Variants in PLEKHG4B observed in about 807,000 individuals in gnomAD.
PLEKHG4B encodes pleckstrin homology and RhoGEF domain containing G4B.
In PLEKHG4B, 111 loss-of-function variants were observed where a neutral mutation model predicts 121.3. The ratio of observed to expected loss-of-function variants is 0.92; its 90% CI spans 0.78 to 1.07. PLEKHG4B has a LOEUF of 1.07. Among genes scored for constraint, PLEKHG4B ranks in the 50% least tolerant of loss-of-function variants. The pLI, the probability that PLEKHG4B is intolerant of heterozygous loss-of-function variation, is 0.00. For synonymous variants in PLEKHG4B, 738 were observed against 725.0 expected (o/e 1.02, Z -0.29); for missense variants, 1,831 against 1,757.8 (o/e 1.04, Z -0.74).
rs1352846722 is a variant in PLEKHG4B, at chr5:183,213, T to C, written c.*890T>C. ...ATCATAAAAGCAAGACCTAAAATGA[T>C]CAAACCATTCCCAGATAATTCACTT... is the stretch of plus-strand genomic sequence containing the variant. On this transcript the variant is annotated 3_prime_UTR_variant, in exon 20 of 20. Transcript: ENST00000637938. 2 of 152,164 alleles carry C rather than the reference T, an allele frequency of 1.3e-5. No homozygotes were observed. Among genetic ancestry groups the C allele is most frequent in the Non-Finnish European group, 2.9e-5 (2 of 68,030 alleles). 9.4% of individuals were successfully genotyped at this position (152,164 alleles called of 1,614,324 possible).
chr5:132,987 T>C (rs1734822215), intron 2 of PLEKHG4B, among the ~76,000 whole-genome samples: 1 of 152,206 alleles, frequency 6.6e-6, no homozygotes, highest in South Asian at 2.1e-4. Flanking sequence ...TTTGGCAGTT[T>C]GGTCATTTCA....
chr5:167,230 G>C (rs958213786), intron 13 of PLEKHG4B, among the ~76,000 whole-genome samples: 5 of 152,218 alleles, frequency 3.3e-5, no homozygotes, highest in African/African-American at 1.2e-4. Context: ...GTGCTGTGAG[G>C]GCCAGTTCCT....
At chr5:141,710 CA>C (rs1224148396) in intron 3 of PLEKHG4B, among the ~76,000 whole-genome samples, 8 of 126,512 alleles carry the variant, frequency 6.3e-5, no homozygotes, top group South Asian at 2.3e-4. Context: ...TTAAATATTT[CA>C]TTTTTTTTTT....
chr5:162,887 T>C lies in PLEKHG4B; in HGVS notation c.2815T>C (p.Ser939Pro), dbSNP rs754041648. Residue 939 changes from serine to proline, a missense_variant, in exon 13 of 20, where the codon TCA (serine) becomes CCA (proline). Physicochemically the swap from Ser to Pro is moderately conservative, Grantham distance 74. Transcript: ENST00000637938. The part of the protein sequence containing the change: ...KPHALGKPWA[S>P]QQDLWLQYPQ... Reference sequence around the variant, plus strand: ...TCATGCCCTGGGGAAACCGTGGGCATCACAGCAAGACCTGTGGCTGCAGTA... The same window carrying C: ...TCATGCCCTGGGGAAACCGTGGGCACCACAGCAAGACCTGTGGCTGCAGTA... 32 of 1,522,000 alleles carry C rather than the reference T, an allele frequency of 2.1e-5. No homozygotes were observed. In the Admixed American group the frequency reaches 6.6e-4, roughly 31 times the overall value. The allele number at this position is 1,522,000 out of a possible 1,614,324, so 94.3% of individuals were successfully genotyped here.
At position 149,285 on chromosome 5, in the gene PLEKHG4B, G is replaced by T. The variant is rs139907472; in HGVS notation, c.1906-2228G>T. Among the ~76,000 whole-genome samples the T allele has an allele frequency of 5.4e-4, 82 of 152,270 alleles. 2 individuals carry two copies. In the East Asian group the frequency reaches 0.014, roughly 27 times the overall value. ...CAGACAGATGTGGTAGCTCATTCCT[G>T]TAATCCCAGCACTTTGGGAGGCTGA... On this transcript the variant is annotated intron_variant, in intron 6 of 19. Transcript: ENST00000637938.
intron 1 of PLEKHG4B, among the ~76,000 whole-genome samples, chr5:110,114 G>A (rs186103241): frequency 8.8e-5 from 13 of 147,814 alleles, no homozygotes; most frequent in East Asian, 8.1e-4. Flanking sequence ...CAACACACGT[G>A]CACGCACCCA....
rs749771830 is a variant in PLEKHG4B, at chr5:171,245, A to G, written c.3851A>G (p.Asp1284Gly). 9.3e-6 allele frequency: 15 copies of G among 1,607,606 alleles called. 1 individual carries two copies. In the South Asian group the frequency reaches 1.7e-4, roughly 18 times the overall value. ...DKQRELGDKM[D>G]LASYLLRPVQ... ...CAGCGGGAGCTAGGTGACAAAATGG[A>G]CCTGGCCTCCTACCTGCTGCGGCCC... Residue 1284 changes from aspartate to glycine, a missense_variant, in exon 16 of 20, where the codon GAC (aspartate) becomes GGC (glycine). Coordinates refer to ENST00000637938, the MANE Select transcript of PLEKHG4B (RefSeq NM_052909.5).
At chr5:118,842 T>C (rs998622503) in intron 2 of PLEKHG4B, among the ~76,000 whole-genome samples, 89 of 106,746 alleles carry the variant, frequency 8.3e-4, no homozygotes, top group African/African-American at 2.9e-3. Context: ...CCCACATTCT[T>C]CTCCTCCTCC....
intron 1 of PLEKHG4B, among the ~76,000 whole-genome samples, chr5:107,303 G>A (rs1272692414): frequency 2.0e-5 from 3 of 152,172 alleles, no homozygotes; most frequent in African/African-American, 7.2e-5. Flanking sequence ...CCCCATGCTT[G>A]GCCCTTCTGG....
chr5:136,542 C>T (rs745568110), intron 2 of PLEKHG4B, among the ~76,000 whole-genome samples: 1 of 152,104 alleles, frequency 6.6e-6, no homozygotes, highest in Non-Finnish European at 1.5e-5. Flanking sequence ...ATACAAGTGT[C>T]CAATAAGCAC....
intron 6 of PLEKHG4B, among the ~76,000 whole-genome samples, chr5:147,248 T>A (rs189897089): frequency 2.4e-4 from 37 of 152,336 alleles, no homozygotes; most frequent in African/African-American, 7.7e-4. Context: ...CAGGAAAGCC[T>A]CAGGGAGGCC....
intron 11 of PLEKHG4B, among the ~76,000 whole-genome samples, chr5:158,059 C>A (rs1735851259): frequency 6.6e-6 from 1 of 152,156 alleles, no homozygotes; most frequent in African/African-American, 2.4e-5. Flanking sequence ...GAACAGGAAC[C>A]CCACACCAGG....
chr5:162,929 C>A lies in PLEKHG4B; in HGVS notation c.2857C>A (p.Arg953Ser). 6.5e-7 allele frequency: 1 copy of A among 1,546,578 alleles called. No individual in the cohort carries two copies. Among genetic ancestry groups the A allele is most frequent in the East Asian group, 2.3e-5 (1 of 42,554 alleles). Residue 953 changes from arginine to serine, a missense_variant, in exon 13 of 20, where the codon CGT becomes AGT. Physicochemically the swap from Arg to Ser is moderately radical, Grantham distance 110. Transcript: ENST00000637938. ...GCTGCAGTACCCCCAGACCCGGCTC[C>A]GTCTGGAAGAGGCCCTTTCTGAGGC... is the stretch of plus-strand genomic sequence containing the variant. ...LWLQYPQTRL[R>S]LEEALSEAAP... is the part of the protein sequence containing the mutation.
intron 18 of PLEKHG4B, 60 bp downstream of exon 18, chr5:174,158 CGGGGCTGGGACT>C: frequency 4.2e-6 from 1 of 237,160 alleles, no homozygotes; most frequent in Non-Finnish European, 6.5e-6. Context: ...GGGCAGGGGT[CGGGGCTGGGACT>C]GGGGTGAGAG....
At chr5:171,838 C>T (rs367697340) in intron 16 of PLEKHG4B, among the ~76,000 whole-genome samples, 4 of 152,236 alleles carry the variant, frequency 2.6e-5, no homozygotes, top group Admixed American at 6.5e-5. Flanking sequence ...AGGGCCAGGG[C>T]GTGGGGCTGA....
intron 18 of PLEKHG4B, among the ~76,000 whole-genome samples, chr5:180,359 G>T (rs1240627254): frequency 6.6e-6 from 1 of 152,168 alleles, no homozygotes; most frequent in African/African-American, 2.4e-5. Flanking sequence ...GAATGTCTGG[G>T]AGTTTCCCAG....
chr5:131,533 T>C (rs1354006740), intron 2 of PLEKHG4B, among the ~76,000 whole-genome samples: 2 of 152,242 alleles, frequency 1.3e-5, no homozygotes, highest in Admixed American at 6.5e-5. Flanking sequence ...TTTGGGTTGG[T>C]TCCAAGTATT....
chr5:166,935 G>A (rs1433676106), intron 13 of PLEKHG4B, among the ~76,000 whole-genome samples: 2 of 152,174 alleles, frequency 1.3e-5, no homozygotes, highest in East Asian at 1.9e-4. Flanking sequence ...TTCCGAATCC[G>A]TAAGAGGAAC....
intron 11 of PLEKHG4B, among the ~76,000 whole-genome samples, chr5:160,362 C>T (rs1735953081): frequency 6.6e-6 from 1 of 152,202 alleles, no homozygotes; most frequent in African/African-American, 2.4e-5. Context: ...TTCCTAGGCT[C>T]GGATGGCTGC....
Sources: allele counts gnomAD v4.1 joint callset (sites outside exome capture counted in the v4.1 genomes callset), GRCh38; gene constraint gnomAD v4.1.1; transcripts MANE v1.5; gene names NCBI Gene and HGNC (gene_info 2026-07-23, HGNC 2026-07-21).